Variants in RNPS1 observed in about 807,000 individuals in gnomAD.
The protein encoded by RNPS1 is RNA-binding protein with serine-rich domain 1.
For synonymous variants in RNPS1, 147 were observed against 150.0 expected (o/e 0.98, Z 0.15); for missense variants, 300 against 427.6 (o/e 0.70, Z 2.63).
chr16:2,263,917 A>C, intron 3 of RNPS1: 1 of 316,158 alleles, frequency 3.2e-6, no homozygotes, highest in East Asian at 5.7e-5. Flanking sequence ...TTTTGTAGAG[A>C]CGAGCTCTTG....
intron 6 of RNPS1, among the ~76,000 whole-genome samples, chr16:2,260,669 G>C (rs1400776254): frequency 1.3e-5 from 2 of 152,066 alleles, no homozygotes; most frequent in Non-Finnish European, 2.9e-5. Flanking sequence ...TCCATGGCTG[G>C]GCTTGGGTTT....
intron 5 of RNPS1, 72 bp downstream of exon 5, chr16:2,262,668 C>T: frequency 7.3e-7 from 1 of 1,364,932 alleles, no homozygotes; most frequent in Non-Finnish European, 1.0e-6. Flanking sequence ...AGGCTACATT[C>T]TAAGTTCATC....
intron 2 of RNPS1, 108 bp from the exon 3 acceptor site, chr16:2,264,439 A>G (rs2093616727): frequency 6.4e-7 from 1 of 1,551,706 alleles, no homozygotes; most frequent in African/African-American, 1.4e-5. Flanking sequence ...ACCCGAGGTG[A>G]CCACAGAGCA....
intron 1 of RNPS1, 122 bp downstream of exon 1, chr16:2,267,933 C>T (rs1276605352): frequency 6.5e-7 from 1 of 1,528,868 alleles, no homozygotes; most frequent in East Asian, 2.5e-5. Context: ...GAGCCCGCAC[C>T]GCGCTGCCAG....
chr16:2,266,068 G>C, intron 1 of RNPS1: 1 of 973,448 alleles, frequency 1.0e-6, no homozygotes, highest in Non-Finnish European at 1.2e-6. Flanking sequence ...GAGTTGTTAA[G>C]TGAAGATCTC....
rs190118063 is a variant in RNPS1 at position 2,263,600 on chromosome 16, G to A, written c.228-313C>T. Among the ~76,000 whole-genome samples the A allele has an allele frequency of 3.2e-3, 489 of 152,298 alleles. 8 individuals carry two copies. The highest frequency in any genetic ancestry group is 0.011 in the African/African-American group (472 of 41,564). On this transcript the variant is annotated intron_variant, in intron 3 of 7. Coordinates refer to ENST00000320225, the MANE Select transcript of RNPS1 (RefSeq NM_080594.4). ...ACTCAGGCTGGGAAGGCAGCTGCTG[G>A]CTGATGCTGACCCAGGCTAGGTTGA...
At chr16:2,264,407 C>A in intron 2 of RNPS1, 76 bp from the exon 3 acceptor site, 1 of 1,599,446 alleles carries the variant, frequency 6.3e-7, no homozygotes, top group Non-Finnish European at 8.6e-7. Flanking sequence ...AACGGGGGAT[C>A]AGCATCAGCA....
chr16:2,265,149 G>C (rs1596815019), intron 1 of RNPS1: 1 of 153,674 alleles, frequency 6.5e-6, no homozygotes, highest in East Asian at 1.9e-4. Flanking sequence ...TCTCCAGATA[G>C]GATTAGATCT....
intron 6 of RNPS1, among the ~76,000 whole-genome samples, chr16:2,260,696 A>C (rs978517383): frequency 6.6e-6 from 1 of 152,226 alleles, no homozygotes; most frequent in Non-Finnish European, 1.5e-5. Flanking sequence ...GTATTATCTC[A>C]GATAAAAGGC....
At position 2,253,728 on chromosome 16, in the gene RNPS1, G is replaced by C. The variant is rs1163967854; in HGVS notation, c.*236C>G. On this transcript the variant is annotated 3_prime_UTR_variant, in exon 8 of 8. Transcript: ENST00000320225. ...CCACTGAACTGACTCTTAGAAACCG[G>C]AAACGGATGAGCTTTCTAGCCAGAA... is the stretch of plus-strand genomic sequence containing the variant. 4.7e-6 allele frequency: 3 copies of C among 636,974 alleles called. No individual in the cohort carries two copies. 39.5% of individuals were successfully genotyped at this position (636,974 alleles called of 1,614,324 possible). A position where few individuals can be genotyped will look rare whatever the true frequency, so the allele number is the denominator to read the frequency against.
intron 6 of RNPS1, among the ~76,000 whole-genome samples, chr16:2,259,355 ATTG>A (rs928159709): frequency 5.9e-5 from 9 of 152,208 alleles, no homozygotes; most frequent in Non-Finnish European, 8.8e-5. Context: ...AATAATTATA[ATTG>A]TTATGTTAAA....
At chr16:2,254,164 T>C (rs2093565806) in intron 7 of RNPS1, 101 bp from the exon 8 acceptor site, 3 of 777,854 alleles carry the variant, frequency 3.9e-6, no homozygotes, top group South Asian at 2.0e-5. Flanking sequence ...TGAGATGGAA[T>C]ATCACTCTGT....
chr16:2,259,565 GAATAAAGAAAAAA>G (rs2093593522), intron 6 of RNPS1, among the ~76,000 whole-genome samples: 2 of 152,150 alleles, frequency 1.3e-5, no homozygotes, highest in African/African-American at 4.8e-5. Flanking sequence ...TGTGACATCA[GAATAAAGAAAAAA>G]CATTCAGGAC....
rs758946057 is a variant in RNPS1, at chr16:2,264,607, C to G, written c.37G>C (p.Gly13Arg). 1 of 1,613,344 alleles carries G rather than the reference C, an allele frequency of 6.2e-7. No individual in the cohort carries two copies. The highest frequency in any genetic ancestry group is 1.7e-5 in the Admixed American group (1 of 60,004). Residue 13 changes from glycine (G) to arginine (R), a missense_variant, in exon 2 of 8, where the codon GGA becomes CGA. Physicochemically the swap from Gly to Arg is moderately radical, Grantham distance 125. Coordinates refer to ENST00000320225, the MANE Select transcript of RNPS1 (RefSeq NM_080594.4). ...GACTTTTTATTATTTTCTTTGACTC[C>G]TAGCAAGCTCTTCTTTTTCACTCCT... ...LSGVKKKSLLGVKENNKKSST... is the reference protein window; with the variant it reads ...LSGVKKKSLLRVKENNKKSST...
Position 2,262,727 on chromosome 16 carries a change from C to G in RNPS1, c.522+13G>C, listed in dbSNP as rs761479672. The G allele has an allele frequency of 4.4e-6, 7 of 1,607,690 alleles. No homozygotes were observed. Among genetic ancestry groups the G allele is most frequent in the Non-Finnish European group, 5.1e-6 (6 of 1,175,916 alleles). ...ACACCCCACTGCCCACAGGAGAGAT[C>G]CATGATCCTCACCTTTGTCACATTC... On this transcript the variant is annotated intron_variant, in intron 5 of 7. Coordinates refer to ENST00000320225, the MANE Select transcript of RNPS1 (RefSeq NM_080594.4).
chr16:2,264,538 C>G (rs757195911), intron 2 of RNPS1, 35 bp downstream of exon 2: 1 of 1,603,590 alleles, frequency 6.2e-7, no homozygotes, highest in Non-Finnish European at 8.5e-7. Context: ...TAAGCACCCC[C>G]AAGTAGCACT....
intron 6 of RNPS1, among the ~76,000 whole-genome samples, chr16:2,259,585 G>A (rs1450302513): frequency 6.6e-6 from 1 of 152,152 alleles, no homozygotes; most frequent in Non-Finnish European, 1.5e-5. Context: ...AAAACATTCA[G>A]GACTCTTAAA....
At chr16:2,255,492 A>AAGGC (rs2093573950) in intron 7 of RNPS1, 93 bp downstream of exon 7, 1 of 1,415,214 alleles carries the variant, frequency 7.1e-7, no homozygotes, top group African/African-American at 1.4e-5. Context: ...ACAGCAGTGG[A>AAGGC]AGGCAGGCAG....
intron 6 of RNPS1, chr16:2,258,445 C>G (rs896235926): frequency 3.9e-5 from 6 of 152,238 alleles, no homozygotes; most frequent in Non-Finnish European, 7.3e-5. Flanking sequence ...GGAATCCATG[C>G]CGGGCGCGTT....
Sources: allele counts gnomAD v4.1 joint callset (sites outside exome capture counted in the v4.1 genomes callset), GRCh38; gene constraint gnomAD v4.1.1; transcripts MANE v1.5; gene names NCBI Gene and HGNC (gene_info 2026-07-23, HGNC 2026-07-21).